The following PTPRG variants were observed in gnomAD, a reference collection of about 807,000 sequenced individuals.
PTPRG encodes protein tyrosine phosphatase receptor type G, also known as receptor-type tyrosine-protein phosphatase gamma.
In PTPRG, 102 loss-of-function variants were observed where a neutral mutation model predicts 165.3. That is an observed-to-expected ratio of 0.62 (90% CI 0.53 to 0.73). The LOEUF is 0.73. Among genes scored for constraint, PTPRG ranks in the 30% least tolerant of loss-of-function variants. PTPRG has a pLI of 0.00. For synonymous variants in PTPRG, 675 were observed against 669.5 expected (o/e 1.01, Z -0.13); for missense variants, 1,866 against 1,861.4 (o/e 1.00, Z -0.05).
chr3:61,771,465 A>G (rs1158568109), intron 2 of PTPRG: 1 of 152,124 alleles, frequency 6.6e-6, no homozygotes, highest in Non-Finnish European at 1.5e-5. Context: ...TTTAGACCAT[A>G]CAAGCTGACC....
chr3:61,656,835 G>T (rs375144738), intron 1 of PTPRG, among the ~76,000 whole-genome samples: 1 of 152,150 alleles, frequency 6.6e-6, no homozygotes, highest in African/African-American at 2.4e-5. Flanking sequence ...TTATTCTCCA[G>T]ATATTTTCTT....
At chr3:62,201,098 C>T (rs1436891484) in intron 10 of PTPRG, among the ~76,000 whole-genome samples, 5 of 152,136 alleles carry the variant, frequency 3.3e-5, no homozygotes, top group East Asian at 1.9e-4. Flanking sequence ...TCTCTAGCAA[C>T]GTGCTGGCGA....
intron 8 of PTPRG, among the ~76,000 whole-genome samples, chr3:62,173,818 A>G (rs1253582889): frequency 2.0e-5 from 3 of 152,126 alleles, no homozygotes. Flanking sequence ...CCCATATTTT[A>G]TCAGGATGAT....
At chr3:61,784,321 G>A (rs776955059) in intron 2 of PTPRG, among the ~76,000 whole-genome samples, 19 of 152,164 alleles carry the variant, frequency 1.2e-4, no homozygotes, top group Admixed American at 2.0e-4. Context: ...AGAAGCAGCC[G>A]TCATTTAACT....
At chr3:61,897,102 A>G (rs1172276402) in intron 2 of PTPRG, among the ~76,000 whole-genome samples, 1 of 152,080 alleles carries the variant, frequency 6.6e-6, no homozygotes, top group Non-Finnish European at 1.5e-5. Context: ...GGCTCAGTTT[A>G]TCAAATTTTC....
intron 1 of PTPRG, among the ~76,000 whole-genome samples, chr3:61,671,342 GT>G (rs1294115321): frequency 6.6e-6 from 1 of 151,420 alleles, no homozygotes; most frequent in Non-Finnish European, 1.5e-5. Flanking sequence ...GTGATGACTC[GT>G]AAGGAGCATG....
chr3:61,700,231 G>T lies in PTPRG; in HGVS notation c.86-48647G>T, dbSNP rs72878426. On this transcript the variant is annotated intron_variant, in intron 1 of 29. Coordinates refer to ENST00000474889, the MANE Select transcript of PTPRG (RefSeq NM_002841.4). ...ACTCTCACATTGCTAGAACGATGCT[G>T]TGGGATCCTCATATGAACCTATATA... Among the ~76,000 whole-genome samples, 256 of 152,252 alleles carry T rather than the reference G, an allele frequency of 1.7e-3. 1 individual carries two copies. Among genetic ancestry groups the T allele is most frequent in the African/African-American group, 5.9e-3 (246 of 41,538 alleles).
rs575983782 is a variant in PTPRG, at chr3:61,917,968, A to C, written c.191-71657A>C. On this transcript the variant is annotated intron_variant, in intron 2 of 29. Transcript: ENST00000474889. ...ACAAATAAATAAATAAAAGAAGAAG[A>C]AGAGGAAGAATCCAAGCAGGCATTG... is the stretch of plus-strand genomic sequence containing the variant. 2.0e-5 allele frequency among the ~76,000 whole-genome samples: 3 copies of C among 152,218 alleles called. No individual in the cohort carries two copies. The South Asian group carries it at 6.2e-4, about 32-fold the overall frequency.
chr3:61,899,059 C>T (rs370913933), intron 2 of PTPRG, among the ~76,000 whole-genome samples: 5 of 152,304 alleles, frequency 3.3e-5, no homozygotes, highest in African/African-American at 1.2e-4. Context: ...TAGGCACATT[C>T]CACCATGCCT....
intron 2 of PTPRG, among the ~76,000 whole-genome samples, chr3:61,851,087 A>G (rs1428141374): frequency 3.3e-5 from 5 of 152,172 alleles, no homozygotes; most frequent in Non-Finnish European, 7.3e-5. Context: ...GGAACACTAT[A>G]TGGTACTAAG....
intron 2 of PTPRG, among the ~76,000 whole-genome samples, chr3:61,988,189 A>G (rs1260837117): frequency 1.3e-5 from 2 of 152,180 alleles, no homozygotes; most frequent in Admixed American, 1.3e-4. Flanking sequence ...ATTAGGGAGA[A>G]TGACTGAAGC....
intron 2 of PTPRG, among the ~76,000 whole-genome samples, chr3:61,864,047 G>A (rs1206286109): frequency 6.6e-6 from 1 of 152,128 alleles, no homozygotes; most frequent in Non-Finnish European, 1.5e-5. Context: ...GGAATTTTAC[G>A]CAAGTCACTT....
chr3:62,055,814 A>C (rs923266612), intron 4 of PTPRG, among the ~76,000 whole-genome samples: 5 of 152,092 alleles, frequency 3.3e-5, no homozygotes, highest in Admixed American at 6.5e-5. Flanking sequence ...ACATTTCCCT[A>C]ATTTTTAAAG....
intron 6 of PTPRG, among the ~76,000 whole-genome samples, chr3:62,144,221 G>C (rs933088054): frequency 3.9e-5 from 6 of 152,104 alleles, no homozygotes; most frequent in Non-Finnish European, 7.4e-5. Flanking sequence ...TCATCTAAAC[G>C]GTAGCTATTG....
intron 4 of PTPRG, among the ~76,000 whole-genome samples, chr3:62,023,920 G>T (rs1367562456): frequency 6.6e-6 from 1 of 152,020 alleles, no homozygotes; most frequent in East Asian, 1.9e-4. Flanking sequence ...CATTATTGCT[G>T]GGGAATACTT....
intron 2 of PTPRG, among the ~76,000 whole-genome samples, chr3:61,974,760 G>A (rs2040464238): frequency 6.6e-6 from 1 of 152,088 alleles, no homozygotes; most frequent in Admixed American, 6.6e-5. Flanking sequence ...TGTTTTCTTT[G>A]CAGATTATGA....
intron 7 of PTPRG, among the ~76,000 whole-genome samples, chr3:62,158,520 T>C (rs1704625465): frequency 6.6e-6 from 1 of 152,176 alleles, no homozygotes; most frequent in African/African-American, 2.4e-5. Context: ...TGAATAGACA[T>C]TGGCCAACCA....
intron 4 of PTPRG, among the ~76,000 whole-genome samples, chr3:62,059,671 A>G (rs1700741769): frequency 6.6e-6 from 1 of 152,062 alleles, no homozygotes; most frequent in African/African-American, 2.4e-5. Flanking sequence ...ACCCCATGAT[A>G]TGGTTTGGCT....
intron 16 of PTPRG, chr3:62,262,178 CTT>C (rs1701720463): frequency 6.6e-6 from 1 of 152,106 alleles, no homozygotes; most frequent in Non-Finnish European, 1.5e-5. Flanking sequence ...AGAAGGATAA[CTT>C]TTAAAATACT....
Sources: allele counts gnomAD v4.1 joint callset (sites outside exome capture counted in the v4.1 genomes callset), GRCh38; gene constraint gnomAD v4.1.1; transcripts MANE v1.5; gene names NCBI Gene and HGNC (gene_info 2026-07-23, HGNC 2026-07-21).